The following AMPD3 variants were observed in gnomAD, a reference collection of about 807,000 sequenced individuals.
The protein encoded by AMPD3 is adenosine monophosphate deaminase 3, also known as AMP deaminase 3.
A neutral mutation model predicts 82.3 loss-of-function variants in AMPD3; 57 were observed. The observed-to-expected ratio is 0.69, with a 90% CI of 0.56 to 0.86. The LOEUF (loss-of-function observed/expected upper bound fraction) is 0.86. Among genes scored for constraint, AMPD3 ranks in the 40% least tolerant of loss-of-function variants. The probability of loss-of-function intolerance (pLI) is 0.00; values close to 1 mark genes in which losing one functional copy is unlikely to be tolerated. For missense variants in AMPD3, 870 were observed against 1,003.8 expected, an observed-to-expected ratio of 0.87 and a Z score of 1.80; for synonymous variants, 381 against 394.7, an observed-to-expected ratio of 0.97 and a Z score of 0.41.
At chr11:10,501,028 G>C in intron 11 of AMPD3, 2 of 985,422 alleles carry the variant, frequency 2.0e-6, no homozygotes, top group Non-Finnish European at 2.4e-6. Context: ...TTTTGGAGAT[G>C]GGGGCTCTGG....
intron 2 of AMPD3, 62 bp downstream of exon 2, chr11:10,461,802 G>C: frequency 6.6e-7 from 1 of 1,512,180 alleles, no homozygotes; most frequent in Non-Finnish European, 9.0e-7. Flanking sequence ...CAGGCTGTGG[G>C]TGTGTGTCCT....
At chr11:10,488,882 C>T (rs1849158402) in intron 6 of AMPD3, among the ~76,000 whole-genome samples, 2 of 152,286 alleles carry the variant, frequency 1.3e-5, no homozygotes, top group African/African-American at 2.4e-5. Context: ...GCTCCAGCCT[C>T]CCTGACCCCC....
chr11:10,481,660 C>T lies in AMPD3; in HGVS notation c.427-403C>T, dbSNP rs532603763. On this transcript the variant is annotated intron_variant, in intron 3 of 14. Transcript: ENST00000396553. The stretch of plus-strand genomic sequence containing the variant: ...CAAAGGGAGCGATACATGGAGGATA[C>T]GAGGTGCAAGCTTCCAAGGTCCTCT... The T allele has an allele frequency of 4.2e-5, 12 of 284,278 alleles. No homozygotes were observed. In the South Asian group the frequency reaches 1.1e-3, roughly 26 times the overall value. The allele number at this position is 284,278 out of a possible 1,614,324, so 17.6% of individuals were successfully genotyped here.
chr11:10,456,340 GCACCT>G lies in AMPD3; in HGVS notation c.-6+897_-6+901del. On this transcript the variant is annotated intron_variant, in intron 1 of 14. Coordinates refer to ENST00000396553, the MANE Select transcript of AMPD3 (RefSeq NM_001025389.2). This position sits in a 1 kb window ranked among gnomAD's most constrained non-coding sequence, Gnocchi z 4.3. ...AGCTGAGCCTCCTGGGTGGCAGGCA[GCACCT>G]CACCCGGGTGCATCACTTGAGTGGC... 6.2e-7 allele frequency: 1 copy of G among 1,612,982 alleles called. No individual in the cohort carries two copies. Among genetic ancestry groups the G allele is most frequent in the African/African-American group, 1.3e-5 (1 of 75,018 alleles).
In AMPD3 at chr11:10,500,237, A is replaced by G. The variant is rs1849538120; in HGVS notation, c.1709A>G (p.Asn570Ser). The part of the protein sequence containing the change: ...YYMYANIMVL[N>S]NLRRERGLST... Reference sequence around the variant, plus strand: ...ATGTATGCCAACATCATGGTGCTCAACAACCTCCGCAGGTGCGTGAGGCCT... The same window carrying G: ...ATGTATGCCAACATCATGGTGCTCAGCAACCTCCGCAGGTGCGTGAGGCCT... The change falls in exon 11 of 15, where the codon AAC becomes AGC. Residue 570 changes from asparagine (N) to serine (S), a missense_variant. Physicochemically the swap from Asn to Ser is conservative, Grantham distance 46 (BLOSUM62 1). Coordinates refer to ENST00000396553, the MANE Select transcript of AMPD3 (RefSeq NM_001025389.2). 6.2e-7 allele frequency: 1 copy of G among 1,614,212 alleles called. No homozygotes were observed. The highest frequency in any genetic ancestry group is 8.5e-7 in the Non-Finnish European group (1 of 1,180,024).
chr11:10,450,523 C>G, upstream of AMPD3: 2 of 986,072 alleles, frequency 2.0e-6, no homozygotes. Flanking sequence ...CGGGCAAGCC[C>G]GGGCGGCACG....
chr11:10,450,950 G>A (rs572734481), upstream of AMPD3: 16 of 1,455,664 alleles, frequency 1.1e-5, no homozygotes, highest in East Asian at 2.7e-4. Flanking sequence ...TCAGTGCCCA[G>A]CAGCCCCGCT....
intron 2 of AMPD3, among the ~76,000 whole-genome samples, chr11:10,472,202 C>G (rs190490415): frequency 1.3e-5 from 2 of 152,026 alleles, no homozygotes; most frequent in East Asian, 3.9e-4. Flanking sequence ...AAGAGAAAAC[C>G]AAACATCGCA....
intron 2 of AMPD3, among the ~76,000 whole-genome samples, chr11:10,473,105 AC>A (rs1848640662): frequency 6.6e-6 from 1 of 152,106 alleles, no homozygotes; most frequent in South Asian, 2.1e-4. Flanking sequence ...CCCTGTCTGT[AC>A]AAAAAATACA....
chr11:10,504,782 G>A, intron 14 of AMPD3, 123 bp downstream of exon 14: 1 of 936,512 alleles, frequency 1.1e-6, no homozygotes. Flanking sequence ...AGACACTCAG[G>A]CACAGGGAGA....
chr11:10,481,584 C>T, intron 3 of AMPD3: 1 of 790,260 alleles, frequency 1.3e-6, no homozygotes, highest in Non-Finnish European at 1.5e-6. Context: ...CAGCATATAG[C>T]TGTACTTACA....
intron 13 of AMPD3, among the ~76,000 whole-genome samples, chr11:10,503,579 AC>A (rs1489312172): frequency 6.6e-6 from 1 of 152,184 alleles, no homozygotes; most frequent in Non-Finnish European, 1.5e-5. Flanking sequence ...GGTTATATCT[AC>A]TGATATTTAC....
At chr11:10,460,999 A>G (rs1848253149) in intron 1 of AMPD3, 2 of 1,090,298 alleles carry the variant, frequency 1.8e-6, no homozygotes, top group Non-Finnish European at 2.2e-6. Context: ...TCTTCAGCAA[A>G]AGGCCTTGAT....
At chr11:10,453,205 C>T (rs1408509299), upstream of AMPD3, among the ~76,000 whole-genome samples, 1 of 152,228 alleles carries the variant, frequency 6.6e-6, no homozygotes, top group Admixed American at 6.5e-5. Flanking sequence ...GCCGCCTCGG[C>T]CTCCCAAAGC....
At chr11:10,497,338 C>T (rs16907896) in intron 10 of AMPD3, among the ~76,000 whole-genome samples, 38 of 152,180 alleles carry the variant, frequency 2.5e-4, no homozygotes, top group Non-Finnish European at 4.4e-4. Flanking sequence ...TGCTTTACCT[C>T]GCAACAGAGG....
In AMPD3 at chr11:10,505,841, C is replaced by A. The variant is rs535586797; in HGVS notation, c.2261C>A (p.Ser754Tyr). ...TTATGCAATGAGCTCAGCTTCCTGT[C>A]TGATGCTATGAAATCAGAAGAGATC... ...ETLCNELSFL[S>Y]DAMKSEEITA... The change falls in exon 15 of 15, where the codon TCT becomes TAT. Residue 754 changes from serine to tyrosine, a missense_variant. Transcript: ENST00000396553. 6.2e-7 allele frequency: 1 copy of A among 1,614,178 alleles called. No individual in the cohort carries two copies. The highest frequency in any genetic ancestry group is 1.1e-5 in the South Asian group (1 of 91,084).
At position 10,456,208 on chromosome 11, in the gene AMPD3, C is replaced by CA. The variant is rs1848088360; in HGVS notation, c.-6+761dup. 3.5e-6 allele frequency: 5 copies of CA among 1,441,830 alleles called. No individual in the cohort carries two copies. Among genetic ancestry groups the CA allele is most frequent in the Non-Finnish European group, 4.5e-6 (5 of 1,098,980 alleles). The allele number at this position is 1,441,830 out of a possible 1,614,324, so 89.3% of individuals were successfully genotyped here. A position where few individuals can be genotyped will look rare whatever the true frequency, so the allele number is the denominator to read the frequency against. ...CATATTCACGAGAGAATTTCCAGCC[C>CA]AGGCTTTTCCTGCTCTGGCTCACTG... On this transcript the variant is annotated intron_variant, in intron 1 of 14. Transcript: ENST00000396553. This position sits in a 1 kb window ranked among gnomAD's most constrained non-coding sequence, Gnocchi z 4.3.
At chr11:10,476,055 T>C (rs866099527) in intron 2 of AMPD3, among the ~76,000 whole-genome samples, 2 of 152,190 alleles carry the variant, frequency 1.3e-5, no homozygotes, top group Admixed American at 1.3e-4. Flanking sequence ...AAATAGCTGT[T>C]GTTTTAAGCC....
rs202212138 is a variant in AMPD3, at chr11:10,502,770, T to C, written c.1892T>C (p.Met631Thr). 4 of 1,614,218 alleles carry C rather than the reference T, an allele frequency of 2.5e-6. No individual in the cohort carries two copies. The African/African-American group carries it at 4.0e-5, about 16-fold the overall frequency. ...LYYLAQIPIA[M>T]SPLSNNSLFL... ...TACCTTGCTCAGATCCCCATTGCCA[T>C]GTCTCCTCTTAGCAACAACAGTTTG... is the stretch of plus-strand genomic sequence containing the variant. Residue 631 changes from methionine to threonine, a missense_variant, in exon 13 of 15, where the codon ATG (methionine) becomes ACG (threonine). By Grantham distance (81) the Met-to-Thr change is moderately conservative. Coordinates refer to ENST00000396553, the MANE Select transcript of AMPD3 (RefSeq NM_001025389.2).
Sources: gnomAD v4.1 joint callset for allele counts (sites outside exome capture counted in the v4.1 genomes callset) on GRCh38, gnomAD v4.1.1 for gene constraint, Gnocchi (gnomAD v3.1) non-coding constraint, MANE v1.5 for transcripts, NCBI Gene and HGNC (gene_info 2026-07-23, HGNC 2026-07-21) for gene names.